Variants in CSMD2 observed in about 807,000 individuals in gnomAD.
CSMD2 encodes CUB and sushi domain-containing protein 2.
CSMD2 carries 130 observed loss-of-function variants against 398.5 expected under a neutral mutation model. The observed-to-expected ratio is 0.33, with a 90% CI of 0.28 to 0.38. The LOEUF (loss-of-function observed/expected upper bound fraction) is 0.38, where lower values mean the gene tolerates loss of function less well. CSMD2 is among the 10% of genes least tolerant of loss of function. The pLI is 1.00. For missense variants in CSMD2, 3,829 were observed against 4,764.9 expected, an observed-to-expected ratio of 0.80 and a Z score of 5.78; for synonymous variants, 1,828 against 1,908.5, an observed-to-expected ratio of 0.96 and a Z score of 1.10.
intron 19 of CSMD2, 148 bp downstream of exon 19, chr1:33,724,049 C>G: frequency 1.5e-6 from 1 of 656,058 alleles, no homozygotes; most frequent in Non-Finnish European, 2.8e-6. Context: ...TGAGAAGACT[C>G]TGGAAGTTTT....
At chr1:34,017,927 C>G (rs751741803) in intron 3 of CSMD2, among the ~76,000 whole-genome samples, 1 of 152,182 alleles carries the variant, frequency 6.6e-6, no homozygotes, top group African/African-American at 2.4e-5. Context: ...TTCACACAAG[C>G]CAGGACTTCA....
chr1:33,681,726 G>A (rs1644913427), intron 25 of CSMD2, among the ~76,000 whole-genome samples: 1 of 152,190 alleles, frequency 6.6e-6, no homozygotes, highest in Admixed American at 6.5e-5. Flanking sequence ...AGCACTTTGG[G>A]AGGCCGAGGC....
At position 33,917,802 on chromosome 1, in the gene CSMD2, G is replaced by C. The variant is rs145449063; in HGVS notation, c.920+292C>G. Among the ~76,000 whole-genome samples the C allele has an allele frequency of 1.8e-3, 279 of 152,206 alleles. 1 individual carries two copies. The highest frequency in any genetic ancestry group is 6.6e-3 in the African/African-American group (273 of 41,520). On this transcript the variant is annotated intron_variant, in intron 5 of 70. Coordinates refer to ENST00000373381, the MANE Select transcript of CSMD2 (RefSeq NM_001281956.2). The stretch of plus-strand genomic sequence containing the variant: ...TTACTAGACCCTGTCCACATCCTGA[G>C]ACCAGAACATTTTTAGTCTTAATGC...
chr1:33,963,040 G>A (rs928290738), intron 3 of CSMD2, among the ~76,000 whole-genome samples: 1 of 152,230 alleles, frequency 6.6e-6, no homozygotes, highest in Non-Finnish European at 1.5e-5. Context: ...AGAATGAAGA[G>A]CAGGTGTCAC....
intron 41 of CSMD2, among the ~76,000 whole-genome samples, chr1:33,608,706 C>G (rs1182306549): frequency 6.6e-6 from 1 of 152,126 alleles, no homozygotes; most frequent in Non-Finnish European, 1.5e-5. Context: ...CTTCTAAGAG[C>G]TGAGAATGCC....
At chr1:33,819,660 T>G in intron 9 of CSMD2, 53 bp downstream of exon 9, 3 of 1,570,822 alleles carry the variant, frequency 1.9e-6, no homozygotes, top group Non-Finnish European at 2.6e-6. Flanking sequence ...GGCTTCAGCC[T>G]CCAGGCTCAG....
chr1:33,690,527 C>T (rs1307930564), intron 25 of CSMD2, among the ~76,000 whole-genome samples: 1 of 152,204 alleles, frequency 6.6e-6, no homozygotes, highest in Non-Finnish European at 1.5e-5. Context: ...GGCACAGGCA[C>T]AACCAGGTAG....
chr1:33,667,762 C>T (rs1279883237), intron 25 of CSMD2, among the ~76,000 whole-genome samples: 2 of 152,080 alleles, frequency 1.3e-5, no homozygotes, highest in African/African-American at 2.4e-5. Flanking sequence ...GAGGAGAAGG[C>T]GGGGTTCTCT....
intron 1 of CSMD2, among the ~76,000 whole-genome samples, chr1:34,159,338 CA>C (rs57364092): frequency 0.46 from 65,522 of 142,986 alleles, 15,290 homozygotes; most frequent in Middle Eastern, 0.57. Context: ...GCCCCCCCCC[CA>C]CCCAGGAGCT....
At chr1:33,831,023 A>T (rs1387532177) in intron 6 of CSMD2, among the ~76,000 whole-genome samples, 3 of 152,222 alleles carry the variant, frequency 2.0e-5, no homozygotes, top group Non-Finnish European at 2.9e-5. Flanking sequence ...AAAAGACCAA[A>T]TCTACGTCTG....
chr1:33,795,157 T>A (rs1014712283), intron 10 of CSMD2, among the ~76,000 whole-genome samples: 2 of 152,088 alleles, frequency 1.3e-5, no homozygotes, highest in Middle Eastern at 3.4e-3. Flanking sequence ...TGTAGCAAGG[T>A]CTAGGTGAAG....
chr1:33,680,707 G>A (rs1159025401), intron 25 of CSMD2, among the ~76,000 whole-genome samples: 3 of 151,964 alleles, frequency 2.0e-5, no homozygotes, highest in Non-Finnish European at 2.9e-5. Flanking sequence ...CCCTACATGA[G>A]GCCTGGAGCC....
In CSMD2 at chr1:33,903,766, A is replaced by G. The variant is rs1245151948; in HGVS notation, c.920+14328T>C. 2.0e-5 allele frequency among the ~76,000 whole-genome samples: 3 copies of G among 152,238 alleles called. No homozygotes were observed. The East Asian group carries it at 5.8e-4, about 29-fold the overall frequency. ...TGATGAATGTTTAAAATAAAACAAGATCCTCTGATAGACAGCAAGGGTTAC... is the reference window on the plus strand; with the variant it reads ...TGATGAATGTTTAAAATAAAACAAGGTCCTCTGATAGACAGCAAGGGTTAC... On this transcript the variant is annotated intron_variant, in intron 5 of 70. Transcript: ENST00000373381.
intron 42 of CSMD2, among the ~76,000 whole-genome samples, chr1:33,604,670 T>C (rs1218011587): frequency 6.6e-6 from 1 of 152,106 alleles, no homozygotes; most frequent in Admixed American, 6.5e-5. Flanking sequence ...GGAAGGCAAA[T>C]GGAACTGAAG....
intron 12 of CSMD2, among the ~76,000 whole-genome samples, chr1:33,784,910 A>T (rs901118785): frequency 6.6e-6 from 1 of 152,184 alleles, no homozygotes; most frequent in African/African-American, 2.4e-5. Flanking sequence ...GAGAGACCAC[A>T]AGACTCAAGC....
Position 33,646,640 on chromosome 1 carries a change from G to C in CSMD2, c.4774+8C>G, listed in dbSNP as rs1347127555. 6.8e-6 allele frequency: 11 copies of C among 1,612,732 alleles called. No homozygotes were observed. In the East Asian group the frequency reaches 2.5e-4, roughly 36 times the overall value. Reference sequence around the variant, plus strand: ...GTCCTCAGTACTCTCTGGCACCAGGGCCCTTACCTGTATAGTCAATGACGA... The same window carrying C: ...GTCCTCAGTACTCTCTGGCACCAGGCCCCTTACCTGTATAGTCAATGACGA... On this transcript the variant is annotated splice_region_variant and intron_variant, in intron 29 of 70. Coordinates refer to ENST00000373381, the MANE Select transcript of CSMD2 (RefSeq NM_001281956.2).
intron 29 of CSMD2, among the ~76,000 whole-genome samples, chr1:33,643,885 G>A (rs1315426863): frequency 7.6e-6 from 1 of 131,442 alleles, no homozygotes; most frequent in Non-Finnish European, 1.6e-5. Flanking sequence ...GTGTAGTCTG[G>A]GAATGAAGGA....
intron 25 of CSMD2, among the ~76,000 whole-genome samples, chr1:33,682,791 G>C (rs1254917946): frequency 1.3e-5 from 2 of 152,018 alleles, no homozygotes; most frequent in Admixed American, 1.3e-4. Context: ...CTCACCCAAG[G>C]TCTAGAGCCC....
rs1431484915 is a variant in CSMD2, at chr1:33,662,993, G to A, written c.4152C>T (p.Gly1384=). 6.2e-7 allele frequency: 1 copy of A among 1,614,120 alleles called. No homozygotes were observed. The highest frequency in any genetic ancestry group is 1.7e-5 in the Admixed American group (1 of 60,022). Residue 1384 remains glycine (G), a synonymous_variant, in exon 26 of 71, where the codon GGC becomes GGT. Transcript: ENST00000373381. Reference sequence around the variant, plus strand: ...TATGCAGGTCCTTGGGCAGGGCCGGGCCACTCAGCTCCTTCAGCAGAACCC... The same window carrying A: ...TATGCAGGTCCTTGGGCAGGGCCGGACCACTCAGCTCCTTCAGCAGAACCC... The part of the protein sequence containing the change: ...ESGVLLKELS[G]PALPKDLHST...
Sources: allele counts gnomAD v4.1 joint callset (sites outside exome capture counted in the v4.1 genomes callset), GRCh38; gene constraint gnomAD v4.1.1; transcripts MANE v1.5; gene names NCBI Gene and HGNC (gene_info 2026-07-23, HGNC 2026-07-21).